PRTFDC1: variants seen among roughly 807,000 people sequenced by gnomAD.
PRTFDC1 encodes phosphoribosyl transferase domain containing 1, also known as phosphoribosyltransferase domain-containing protein 1.
Under a neutral mutation model 34.6 loss-of-function variants are expected in PRTFDC1, and 38 were observed. The ratio of observed to expected loss-of-function variants is 1.10; its 90% CI spans 0.85 to 1.44. The LOEUF is 1.44. Ranked by LOEUF, PRTFDC1 falls within the 40% of genes most tolerant of loss-of-function variation. The pLI is 0.00. For synonymous variants in PRTFDC1, 93 were observed against 98.1 expected (o/e 0.95, Z 0.31); for missense variants, 270 against 283.0 (o/e 0.95, Z 0.33).
intron 1 of PRTFDC1, among the ~76,000 whole-genome samples, chr10:24,943,454 T>C (rs1849202621): frequency 6.6e-6 from 1 of 151,972 alleles, no homozygotes; most frequent in Non-Finnish European, 1.5e-5. Flanking sequence ...GAAGGTGGAG[T>C]TACTTTTACT....
chr10:24,883,505 TG>T (rs1286830909), intron 3 of PRTFDC1, among the ~76,000 whole-genome samples: 1 of 152,134 alleles, frequency 6.6e-6, no homozygotes, highest in African/African-American at 2.4e-5. Flanking sequence ...GAGAAGGGAA[TG>T]GATCTTTATT....
At chr10:24,897,966 T>C (rs1187224980) in intron 3 of PRTFDC1, among the ~76,000 whole-genome samples, 2 of 152,134 alleles carry the variant, frequency 1.3e-5, no homozygotes, top group Admixed American at 1.3e-4. Context: ...CTTTAAAGAA[T>C]CTAAGTGTCC....
chr10:24,890,996 A>G (rs551149533), intron 3 of PRTFDC1, among the ~76,000 whole-genome samples: 4 of 152,288 alleles, frequency 2.6e-5, no homozygotes, highest in Non-Finnish European at 5.9e-5. Flanking sequence ...TCATTTGTGG[A>G]TGCAAGGGAG....
At chr10:24,865,046 G>A (rs1847752180) in intron 4 of PRTFDC1, among the ~76,000 whole-genome samples, 1 of 152,172 alleles carries the variant, frequency 6.6e-6, no homozygotes, top group Non-Finnish European at 1.5e-5. Context: ...AACCGGAGAG[G>A]CAGAGGTTGC....
chr10:24,879,268 G>C (rs1848024701), intron 3 of PRTFDC1, among the ~76,000 whole-genome samples: 1 of 152,128 alleles, frequency 6.6e-6, no homozygotes, highest in Non-Finnish European at 1.5e-5. Flanking sequence ...AGTTGATGCA[G>C]AGCCAGGGTC....
At chr10:24,853,989 G>T (rs918119263) in intron 7 of PRTFDC1, among the ~76,000 whole-genome samples, 4 of 152,146 alleles carry the variant, frequency 2.6e-5, no homozygotes, top group Admixed American at 2.6e-4. Flanking sequence ...TAAGCTTGCT[G>T]TGCTCAATTT....
intron 3 of PRTFDC1, among the ~76,000 whole-genome samples, chr10:24,884,550 A>G (rs1258877543): frequency 6.6e-6 from 1 of 152,236 alleles, no homozygotes; most frequent in African/African-American, 2.4e-5. Flanking sequence ...GGAGCCCTGC[A>G]TATCACAAAT....
At chr10:24,911,959 G>T (rs776466745) in intron 3 of PRTFDC1, among the ~76,000 whole-genome samples, 14 of 151,838 alleles carry the variant, frequency 9.2e-5, no homozygotes, top group African/African-American at 3.4e-4. Context: ...ACATTGATAA[G>T]TGTGGGTTTA....
chr10:24,905,928 T>C (rs562449695), intron 3 of PRTFDC1, among the ~76,000 whole-genome samples: 60 of 152,208 alleles, frequency 3.9e-4, no homozygotes, highest in Middle Eastern at 3.4e-3. Flanking sequence ...CTGGTAACCA[T>C]CCTTCTACTC....
intron 1 of PRTFDC1, among the ~76,000 whole-genome samples, chr10:24,950,824 G>A (rs1849330902): frequency 6.6e-6 from 1 of 152,010 alleles, no homozygotes; most frequent in Non-Finnish European, 1.5e-5. Flanking sequence ...TATTCACTGA[G>A]CACTCCCGAA....
chr10:24,919,971 C>T (rs933185919), intron 3 of PRTFDC1, among the ~76,000 whole-genome samples: 10 of 151,994 alleles, frequency 6.6e-5, no homozygotes, highest in South Asian at 2.1e-4. Flanking sequence ...AGTCAAGAAA[C>T]GATAGATGCT....
At chr10:24,945,425 TG>T (rs1849237818) in intron 1 of PRTFDC1, among the ~76,000 whole-genome samples, 2 of 152,198 alleles carry the variant, frequency 1.3e-5, no homozygotes, top group South Asian at 4.1e-4. Context: ...TCATATCCAT[TG>T]GCTGACTGAT....
chr10:24,915,576 C>G (rs1385842787), intron 3 of PRTFDC1, among the ~76,000 whole-genome samples: 1 of 152,208 alleles, frequency 6.6e-6, no homozygotes. Flanking sequence ...TTGGCTGAAC[C>G]TGACTGGTTC....
intron 3 of PRTFDC1, among the ~76,000 whole-genome samples, chr10:24,924,389 A>C (rs1183309562): frequency 6.6e-6 from 1 of 152,222 alleles, no homozygotes; most frequent in Non-Finnish European, 1.5e-5. Flanking sequence ...AAAAATGTTA[A>C]GGGCAGCCAG....
intron 3 of PRTFDC1, among the ~76,000 whole-genome samples, chr10:24,879,090 C>G (rs907846216): frequency 3.3e-5 from 5 of 152,196 alleles, no homozygotes; most frequent in African/African-American, 1.2e-4. Flanking sequence ...AATGTTGCAA[C>G]TGGCTCGAAT....
rs562195777 is a variant in PRTFDC1 at position 24,858,241 on chromosome 10, G to A, written c.423+151C>T. On this transcript the variant is annotated intron_variant, in intron 5 of 8. Coordinates refer to ENST00000320152, the MANE Select transcript of PRTFDC1 (RefSeq NM_020200.7). ...TTCTACATTATTTGAAATCAGGGAC[G>A]CTATCTGGCCCCTATTCATTAAATT... 1.4e-4 allele frequency: 101 copies of A among 708,768 alleles called. No homozygotes were observed. In the East Asian group the frequency reaches 2.1e-3, roughly 14 times the overall value. The allele number at this position is 708,768 out of a possible 1,614,324, so 43.9% of individuals were successfully genotyped here. A position where few individuals can be genotyped will look rare whatever the true frequency, so the allele number is the denominator to read the frequency against.
At chr10:24,926,061 C>CACCT (rs1299701936) in intron 3 of PRTFDC1, among the ~76,000 whole-genome samples, 1 of 152,134 alleles carries the variant, frequency 6.6e-6, no homozygotes, top group African/African-American at 2.4e-5. Context: ...CCTGCCAGTC[C>CACCT]ACCTCCTAGG....
Position 24,951,482 on chromosome 10 carries a change from A to T in PRTFDC1, c.48+1046T>A, listed in dbSNP as rs112526004. On this transcript the variant is annotated intron_variant, in intron 1 of 8. Coordinates refer to ENST00000320152, the MANE Select transcript of PRTFDC1 (RefSeq NM_020200.7). Reference sequence around the variant, plus strand: ...GAAAGGTCCTGCTGTTAAATTAAGCACTGAGCCCCACATTTCAACCTGACC... The same window carrying T: ...GAAAGGTCCTGCTGTTAAATTAAGCTCTGAGCCCCACATTTCAACCTGACC... 57 of 823,990 alleles carry T rather than the reference A, an allele frequency of 6.9e-5. No homozygotes were observed. The African/African-American group carries it at 1.0e-3, about 15-fold the overall frequency. 51.0% of individuals were successfully genotyped at this position (823,990 alleles called of 1,614,324 possible).
chr10:24,859,576 G>A (rs1055155223), intron 4 of PRTFDC1, among the ~76,000 whole-genome samples: 9 of 152,154 alleles, frequency 5.9e-5, no homozygotes, highest in Non-Finnish European at 1.2e-4. Flanking sequence ...GTTTCCTGAA[G>A]CCTCCCTAGA....
Sources: allele counts gnomAD v4.1 joint callset (sites outside exome capture counted in the v4.1 genomes callset), GRCh38; gene constraint gnomAD v4.1.1; transcripts MANE v1.5; gene names NCBI Gene and HGNC (gene_info 2026-07-23, HGNC 2026-07-21).